Variants in GP6 observed in about 807,000 individuals in gnomAD.
GP6 encodes glycoprotein VI platelet, also known as platelet glycoprotein VI.
In GP6, 45 loss-of-function variants were observed where a neutral mutation model predicts 37.3. That is an observed-to-expected ratio of 1.21 (90% CI 0.95 to 1.55). The LOEUF (loss-of-function observed/expected upper bound fraction) is 1.55. Ranked by LOEUF, GP6 falls within the 40% of genes most tolerant of loss-of-function variation. The probability of loss-of-function intolerance (pLI) is 0.00; values close to 1 mark genes in which losing one functional copy is unlikely to be tolerated. For synonymous variants in GP6, 340 were observed against 316.4 expected (o/e 1.07, Z -0.79); for missense variants, 813 against 760.2 (o/e 1.07, Z -0.82).
At chr19:55,023,361 A>G (rs1004313099) in intron 5 of GP6, among the ~76,000 whole-genome samples, 1 of 152,104 alleles carries the variant, frequency 6.6e-6, no homozygotes, top group African/African-American at 2.4e-5. Flanking sequence ...ACCAAATCTC[A>G]TACTGGATTA....
At chr19:55,024,304 A>ACACACACGCACACACACG (rs1568612810) in intron 5 of GP6, among the ~76,000 whole-genome samples, 1 of 75,738 alleles carries the variant, frequency 1.3e-5, no homozygotes, top group East Asian at 6.9e-4. Context: ...ACGCATGCAC[A>ACACACACGCACACACACG]CACATATGCA....
intron 5 of GP6, among the ~76,000 whole-genome samples, chr19:55,019,482 T>G (rs80203914): frequency 0.074 from 11,331 of 152,202 alleles, 554 homozygotes; most frequent in Non-Finnish European, 0.11. Flanking sequence ...TCACCAATAC[T>G]TCTTGTCCGT....
At chr19:55,034,825 C>T (rs1353076345) in intron 1 of GP6, among the ~76,000 whole-genome samples, 2 of 151,976 alleles carry the variant, frequency 1.3e-5, no homozygotes, top group African/African-American at 4.8e-5. Flanking sequence ...GCTCACATAG[C>T]AAGAAGTGGG....
chr19:55,015,822 G>A, intron 6 of GP6, 89 bp from the exon 7 acceptor site: 2 of 760,898 alleles, frequency 2.6e-6, no homozygotes, highest in South Asian at 1.4e-5. Context: ...CACACATGGG[G>A]AGGCACAATT....
intron 5 of GP6, among the ~76,000 whole-genome samples, chr19:55,019,678 C>CTTTTTTTTTTT (rs770367312): frequency 3.2e-5 from 4 of 126,752 alleles, no homozygotes; most frequent in African/African-American, 6.0e-5. Flanking sequence ...TTCTTTTTTT[C>CTTTTTTTTTTT]TTTTTTTTTT....
intron 6 of GP6, 41 bp from the exon 7 acceptor site, chr19:55,015,774 T>G: frequency 9.5e-7 from 1 of 1,056,134 alleles, no homozygotes; most frequent in Non-Finnish European, 1.5e-6. Flanking sequence ...TGAAACCATA[T>G]TCCCGCCCCC....
chr19:55,015,329 G>A (rs2073832582), intron 7 of GP6, among the ~76,000 whole-genome samples, 164 bp from the exon 8 acceptor site: 2 of 152,170 alleles, frequency 1.3e-5, no homozygotes, highest in African/African-American at 4.8e-5. Context: ...GTCAGGGCCA[G>A]ATGACCCCAA....
rs538640026 is a variant in GP6, at chr19:55,021,831, T to A, written c.665-3120A>T. Among the ~76,000 whole-genome samples the A allele has an allele frequency of 3.3e-3, 498 of 152,326 alleles. 2 individuals are homozygous for A. The highest frequency in any genetic ancestry group is 0.011 in the South Asian group (53 of 4,828). On this transcript the variant is annotated intron_variant, in intron 5 of 7. Transcript: ENST00000310373. ...CACCGTGCCCGGCGTTTCTTGACTTTTTAATAATCGCCATTTTGACTGGTG... is the reference window on the plus strand; with the variant it reads ...CACCGTGCCCGGCGTTTCTTGACTTATTAATAATCGCCATTTTGACTGGTG...
intron 5 of GP6, among the ~76,000 whole-genome samples, chr19:55,024,857 A>T (rs2074243231): frequency 6.6e-6 from 1 of 151,256 alleles, no homozygotes; most frequent in African/African-American, 2.4e-5. Context: ...TCAGAAACAG[A>T]GTCCCGGACT....
rs2074066420 is a variant in GP6 at position 55,021,172 on chromosome 19, A to T, written c.665-2461T>A. On this transcript the variant is annotated intron_variant, in intron 5 of 7. Transcript: ENST00000310373. ...TCAGAAGTTTGAGACCAGCATGACCAACAAGGTAAAACCCCATCTCTACTA... is the reference window on the plus strand; with the variant it reads ...TCAGAAGTTTGAGACCAGCATGACCTACAAGGTAAAACCCCATCTCTACTA... 2.0e-5 allele frequency among the ~76,000 whole-genome samples: 3 copies of T among 149,924 alleles called. No homozygotes were observed. The Admixed American group carries it at 2.0e-4, about 10-fold the overall frequency.
chr19:55,025,086 G>C (rs1271096808), intron 5 of GP6, 132 bp downstream of exon 5: 10 of 716,052 alleles, frequency 1.4e-5, no homozygotes, highest in South Asian at 3.0e-5. Flanking sequence ...CAGAAATAAA[G>C]GATTTTTAAA....
At chr19:55,026,757 G>C (rs980491604) in intron 4 of GP6, among the ~76,000 whole-genome samples, 5 of 151,522 alleles carry the variant, frequency 3.3e-5, no homozygotes, top group Non-Finnish European at 5.9e-5. Flanking sequence ...ATGGTGGCAG[G>C]CACCTGTAAT....
intron 4 of GP6, 39 bp from the exon 5 acceptor site, chr19:55,025,310 G>T: frequency 7.6e-7 from 1 of 1,313,266 alleles, no homozygotes; most frequent in Non-Finnish European, 1.1e-6. Context: ...GTGCTCTGTC[G>T]CTGTGGGTCC....
At chr19:55,017,303 G>A (rs553005511) in intron 6 of GP6, among the ~76,000 whole-genome samples, 2 of 152,166 alleles carry the variant, frequency 1.3e-5, no homozygotes, top group Admixed American at 6.5e-5. Context: ...TTTCAGTAGA[G>A]ACGGGGTTTC....
chr19:55,024,863 G>A (rs1044292400), intron 5 of GP6, among the ~76,000 whole-genome samples: 4 of 147,762 alleles, frequency 2.7e-5, no homozygotes, highest in Non-Finnish European at 6.0e-5. Context: ...ACAGAGTCCC[G>A]GACTCTACAG....
chr19:55,027,503 A>T, intron 4 of GP6, 75 bp downstream of exon 4: 1 of 1,251,702 alleles, frequency 8.0e-7, no homozygotes, highest in Non-Finnish European at 1.2e-6. Context: ...CTTCCCACTT[A>T]TGGCCCCTCC....
At chr19:55,031,619 T>G (rs371681558) in intron 3 of GP6, among the ~76,000 whole-genome samples, 1 of 152,176 alleles carries the variant, frequency 6.6e-6, no homozygotes, top group South Asian at 2.1e-4. Flanking sequence ...AAAAATTGCA[T>G]GAAAATGTTA....
intron 4 of GP6, among the ~76,000 whole-genome samples, 181 bp downstream of exon 4, chr19:55,027,397 G>A (rs1190391803): frequency 2.2e-5 from 1 of 44,902 alleles, no homozygotes; most frequent in Non-Finnish European, 4.8e-5. Context: ...TCCCACCTAC[G>A]GCCCCGCCCC....
chr19:55,021,665 C>T (rs1232051691), intron 5 of GP6, among the ~76,000 whole-genome samples: 26 of 151,868 alleles, frequency 1.7e-4, no homozygotes, highest in Admixed American at 4.6e-4. Flanking sequence ...GGACTACAGG[C>T]GCCCGCCACC....
Sources: allele counts gnomAD v4.1 joint callset (sites outside exome capture counted in the v4.1 genomes callset), GRCh38; gene constraint gnomAD v4.1.1; transcripts MANE v1.5; gene names NCBI Gene and HGNC (gene_info 2026-07-23, HGNC 2026-07-21).